Variants in SH3D19 observed in about 807,000 individuals in gnomAD.
The protein encoded by SH3D19 is SH3 domain-containing protein 19.
SH3D19 carries 58 observed loss-of-function variants against 112.1 expected under a neutral mutation model. The observed-to-expected ratio is 0.52, with a 90% CI of 0.42 to 0.64. The LOEUF is 0.64. Among genes scored for constraint, SH3D19 ranks in the 30% least tolerant of loss-of-function variants. The probability of loss-of-function intolerance (pLI) is 0.00; values close to 1 mark genes in which losing one functional copy is unlikely to be tolerated. For synonymous variants in SH3D19, 391 were observed against 448.5 expected (o/e 0.87, Z 1.62); for missense variants, 1,090 against 1,263.4 (o/e 0.86, Z 2.08).
intron 2 of SH3D19, among the ~76,000 whole-genome samples, chr4:151,201,038 T>C (rs1272876842): frequency 6.6e-6 from 1 of 152,268 alleles, no homozygotes; most frequent in Non-Finnish European, 1.5e-5. Context: ...CATCTACCTG[T>C]GTCTCTGAAT....
chr4:151,254,122 C>T (rs1771621302), intron 1 of SH3D19, among the ~76,000 whole-genome samples: 1 of 152,254 alleles, frequency 6.6e-6, no homozygotes, highest in African/African-American at 2.4e-5. Flanking sequence ...ACATGCGTTA[C>T]CCTCTGTGTG....
chr4:151,150,670 G>C (rs1754894251), intron 9 of SH3D19, among the ~76,000 whole-genome samples: 2 of 152,086 alleles, frequency 1.3e-5, no homozygotes. Flanking sequence ...AAGAGGAAAA[G>C]AGTGAAGGAG....
chr4:151,158,693 A>T lies in SH3D19; in HGVS notation c.1755+547T>A, dbSNP rs996316185. Among the ~76,000 whole-genome samples, 10 of 150,820 alleles carry T rather than the reference A, an allele frequency of 6.6e-5. No homozygotes were observed. In the South Asian group the frequency reaches 1.2e-3, roughly 19 times the overall value. ...AAAAGTTGGAAGACCAAAAAAAAAA[A>T]ATAAATAAAAGTATTGAGGATATTG... On this transcript the variant is annotated intron_variant, in intron 9 of 19. Transcript: ENST00000604030.
At chr4:151,237,729 GATA>G (rs1561391313) in intron 1 of SH3D19, among the ~76,000 whole-genome samples, 1 of 152,150 alleles carries the variant, frequency 6.6e-6, no homozygotes, top group African/African-American at 2.4e-5. Context: ...CTACTATTAT[GATA>G]ATAGTATCAG....
intron 9 of SH3D19, among the ~76,000 whole-genome samples, chr4:151,153,135 C>T (rs1003316830): frequency 6.6e-6 from 1 of 151,966 alleles, no homozygotes; most frequent in South Asian, 2.1e-4. Context: ...TGCCCAGCTG[C>T]TATATTTTTT....
At chr4:151,196,722 A>G (rs1763526456) in intron 2 of SH3D19, among the ~76,000 whole-genome samples, 1 of 152,234 alleles carries the variant, frequency 6.6e-6, no homozygotes, top group Non-Finnish European at 1.5e-5. Context: ...AGAGTGGGAG[A>G]AAATCTTCAC....
chr4:151,238,074 G>A (rs1770267076), intron 1 of SH3D19, among the ~76,000 whole-genome samples: 1 of 152,082 alleles, frequency 6.6e-6, no homozygotes, highest in South Asian at 2.1e-4. Context: ...GAGCTAAAAG[G>A]CAGACAGATA....
At chr4:151,256,824 TCTAC>T (rs1259496400) in intron 1 of SH3D19, among the ~76,000 whole-genome samples, 1 of 151,580 alleles carries the variant, frequency 6.6e-6, no homozygotes, top group Admixed American at 6.6e-5. Context: ...CACTGCAACC[TCTAC>T]CTCCTGGGTT....
chr4:151,148,537 C>T (rs923567350), intron 10 of SH3D19, among the ~76,000 whole-genome samples: 1 of 152,052 alleles, frequency 6.6e-6, no homozygotes, highest in African/African-American at 2.4e-5. Flanking sequence ...GTACTTTCTA[C>T]CAAAGTCTGA....
At chr4:151,258,411 C>T (rs1201207510) in intron 1 of SH3D19, among the ~76,000 whole-genome samples, 1 of 152,192 alleles carries the variant, frequency 6.6e-6, no homozygotes, top group Non-Finnish European at 1.5e-5. Context: ...AGGGATCTGC[C>T]CTCCATTGGT....
At chr4:151,229,784 G>A (rs1580280881) in intron 1 of SH3D19, among the ~76,000 whole-genome samples, 3 of 152,228 alleles carry the variant, frequency 2.0e-5, no homozygotes, top group African/African-American at 7.2e-5. Flanking sequence ...ACGTGGTGGT[G>A]CACGCCTGTA....
At chr4:151,229,243 C>T (rs1035120434) in intron 1 of SH3D19, among the ~76,000 whole-genome samples, 22 of 152,108 alleles carry the variant, frequency 1.4e-4, no homozygotes, top group Non-Finnish European at 1.6e-4. Flanking sequence ...TGAACTTCTG[C>T]ATATTTAGAA....
intron 1 of SH3D19, among the ~76,000 whole-genome samples, chr4:151,319,819 T>A: frequency 6.6e-6 from 1 of 152,286 alleles, no homozygotes; most frequent in South Asian, 2.1e-4. Flanking sequence ...AAATGTAAAG[T>A]ACTTCTAGAA....
intron 1 of SH3D19, chr4:151,300,600 C>G (rs1728304503): frequency 6.7e-6 from 1 of 148,638 alleles, no homozygotes; most frequent in Admixed American, 6.7e-5. Flanking sequence ...ATTCATCAAG[C>G]ATTCCATTTT....
At position 151,147,943 on chromosome 4, in the gene SH3D19, G is replaced by T. The variant is rs777428816; in HGVS notation, c.2061C>A (p.His687Gln). 105 of 1,612,308 alleles carry T rather than the reference G, an allele frequency of 6.5e-5. No individual in the cohort carries two copies. In the South Asian group the frequency reaches 1.1e-3, roughly 17 times the overall value. Residue 687 changes from histidine (H) to glutamine (Q), a missense_variant, in exon 11 of 20, where the codon CAC becomes CAA. By Grantham distance (24) the His-to-Gln change is conservative. Transcript: ENST00000604030. ...PVLPPRPKPGHPLYSKYMRGD... is the reference protein window; with the variant it reads ...PVLPPRPKPGQPLYSKYMRGD... The stretch of plus-strand genomic sequence containing the variant: ...TTACCATGTATTTACTGTAGAGAGG[G>T]TGTCCTGGTTTGGGACGAGGGGGTA...
chr4:151,178,785 G>A (rs1760364552), intron 4 of SH3D19, among the ~76,000 whole-genome samples: 1 of 151,972 alleles, frequency 6.6e-6, no homozygotes, highest in Non-Finnish European at 1.5e-5. Flanking sequence ...ATGTCATGAT[G>A]TAATGTAAAA....
chr4:151,308,262 CAT>C (rs949024507), intron 1 of SH3D19, among the ~76,000 whole-genome samples: 2 of 152,322 alleles, frequency 1.3e-5, no homozygotes, highest in South Asian at 2.1e-4. Flanking sequence ...GTACTGAGCA[CAT>C]GTGTCAAGCA....
chr4:151,237,712 T>A (rs758707642), intron 1 of SH3D19, among the ~76,000 whole-genome samples: 1 of 152,222 alleles, frequency 6.6e-6, no homozygotes, highest in African/African-American at 2.4e-5. Flanking sequence ...AAGTGCTCAA[T>A]AAACATCTAC....
At chr4:151,261,180 A>G (rs1051924075) in intron 1 of SH3D19, 1 of 152,130 alleles carries the variant, frequency 6.6e-6, no homozygotes, top group African/African-American at 2.4e-5. Flanking sequence ...CTAGAGGAAA[A>G]ATGCCATATC....
Sources: allele counts gnomAD v4.1 joint callset (sites outside exome capture counted in the v4.1 genomes callset), GRCh38; gene constraint gnomAD v4.1.1; transcripts MANE v1.5; gene names NCBI Gene and HGNC (gene_info 2026-07-23, HGNC 2026-07-21).